SH3RF1: variants seen among roughly 807,000 people sequenced by gnomAD.
SH3RF1 encodes the protein SH3 domain containing ring finger 1.
Under a neutral mutation model 74.0 loss-of-function variants are expected in SH3RF1, and 32 were observed. The ratio of observed to expected loss-of-function variants is 0.43; its 90% confidence interval spans 0.33 to 0.58. The LOEUF (loss-of-function observed/expected upper bound fraction) is 0.58. SH3RF1 is among the 20% of genes least tolerant of loss of function. The probability of loss-of-function intolerance (pLI) is 0.05; values close to 1 mark genes in which losing one functional copy is unlikely to be tolerated. For missense variants in SH3RF1, 954 were observed against 1,130.9 expected, an observed-to-expected ratio of 0.84 and a Z score of 2.24; for synonymous variants, 396 against 439.6, an observed-to-expected ratio of 0.90 and a Z score of 1.24.
chr4:169,164,732 A>T (rs1255530029), intron 2 of SH3RF1, among the ~76,000 whole-genome samples: 2 of 152,206 alleles, frequency 1.3e-5, no homozygotes, highest in Non-Finnish European at 2.9e-5. Flanking sequence ...TGAGTGTCTT[A>T]TACTAAGCAA....
Position 169,106,936 on chromosome 4 carries a change from G to A in SH3RF1, c.2409C>T (p.Asp803=). 2 of 1,613,836 alleles carry A rather than the reference G, an allele frequency of 1.2e-6. No individual in the cohort carries two copies. The highest frequency in any genetic ancestry group is 1.1e-5 in the South Asian group (1 of 91,088). The change falls in exon 11 of 12, where the codon GAC becomes GAT. Residue 803 remains aspartate, a synonymous_variant. Transcript: ENST00000284637. ...GAGGTGGAGCGATGGGAACTGCGGA[G>A]TCCAGGGAACTTGCCTTCCTATGAA... ...DAFHRKASSL[D]SAVPIAPPPR... is the part of the protein sequence containing the mutation.
At chr4:169,229,219 T>A (rs1354534255) in intron 2 of SH3RF1, among the ~76,000 whole-genome samples, 1 of 152,194 alleles carries the variant, frequency 6.6e-6, no homozygotes, top group Non-Finnish European at 1.5e-5. Flanking sequence ...AATTCCTTTT[T>A]TATTGAGACT....
chr4:169,232,797 C>T (rs1479446920), intron 2 of SH3RF1, among the ~76,000 whole-genome samples: 1 of 152,102 alleles, frequency 6.6e-6, no homozygotes, highest in African/African-American at 2.4e-5. Context: ...TTCAGTGATA[C>T]ACTTCAAAGC....
chr4:169,156,720 G>T, intron 2 of SH3RF1, 41 bp from the exon 3 acceptor site: 2 of 1,501,628 alleles, frequency 1.3e-6, no homozygotes, highest in Non-Finnish European at 9.0e-7. Context: ...TAAAATAATG[G>T]TCTTAAAATG....
At chr4:169,218,830 G>C (rs185098257) in intron 2 of SH3RF1, among the ~76,000 whole-genome samples, 14 of 152,178 alleles carry the variant, frequency 9.2e-5, no homozygotes, top group Admixed American at 8.5e-4. Flanking sequence ...AAGCATTTAA[G>C]AATAAAAAAT....
At chr4:169,129,047 C>G (rs1733570050) in intron 6 of SH3RF1, among the ~76,000 whole-genome samples, 1 of 152,200 alleles carries the variant, frequency 6.6e-6, no homozygotes, top group Non-Finnish European at 1.5e-5. Context: ...AATGGCAGAG[C>G]TGGGCTTCAA....
At chr4:169,102,189 T>C (rs1733049666) in intron 11 of SH3RF1, among the ~76,000 whole-genome samples, 1 of 152,216 alleles carries the variant, frequency 6.6e-6, no homozygotes, top group African/African-American at 2.4e-5. Flanking sequence ...AGTATTTCAC[T>C]GGCATAACCA....
In SH3RF1 at chr4:169,116,738, T is replaced by C. The variant is rs1579089685; in HGVS notation, c.1778-108A>G. 22 of 1,391,176 alleles carry C rather than the reference T, an allele frequency of 1.6e-5. No individual in the cohort carries two copies. The East Asian group carries it at 4.8e-4, about 31-fold the overall frequency. 86.2% of individuals were successfully genotyped at this position (1,391,176 alleles called of 1,614,324 possible). On this transcript the variant is annotated intron_variant, in intron 9 of 11. Transcript: ENST00000284637. ...TCAGACCATGATGAAAGGCTGCTAT[T>C]GTATTTATTACAATAAAGATGGGAT...
chr4:169,240,959 G>A (rs1233885452), intron 2 of SH3RF1, among the ~76,000 whole-genome samples: 1 of 152,154 alleles, frequency 6.6e-6, no homozygotes, highest in Non-Finnish European at 1.5e-5. Context: ...GGCCGGGCGT[G>A]GTGGCTCACG....
chr4:169,186,360 A>G (rs1367428218), intron 2 of SH3RF1, among the ~76,000 whole-genome samples: 1 of 152,112 alleles, frequency 6.6e-6, no homozygotes, highest in African/African-American at 2.4e-5. Context: ...TTAAAAAAAA[A>G]ACGAATTTAT....
At chr4:169,176,485 T>C (rs1032544647) in intron 2 of SH3RF1, among the ~76,000 whole-genome samples, 2 of 152,192 alleles carry the variant, frequency 1.3e-5, no homozygotes, top group Non-Finnish European at 2.9e-5. Context: ...AAATATTAAT[T>C]TTAACTGAAC....
chr4:169,187,873 G>A lies in SH3RF1; in HGVS notation c.394-31194C>T, dbSNP rs1030721266. Among the ~76,000 whole-genome samples, 6 of 152,186 alleles carry A rather than the reference G, an allele frequency of 3.9e-5. 1 individual carries two copies. Among genetic ancestry groups the A allele is most frequent in the Admixed American group, 1.3e-4 (2 of 15,280 alleles). Reference sequence around the variant, plus strand: ...ATTAGAAATAGGGTCTAGGGTCTTCGCAGATGGAATCCGCAAAGTTAAAAT... The same window carrying A: ...ATTAGAAATAGGGTCTAGGGTCTTCACAGATGGAATCCGCAAAGTTAAAAT... On this transcript the variant is annotated intron_variant, in intron 2 of 11. Transcript: ENST00000284637.
intron 2 of SH3RF1, among the ~76,000 whole-genome samples, chr4:169,158,047 T>C (rs1001921829): frequency 2.0e-5 from 3 of 152,262 alleles, no homozygotes; most frequent in Admixed American, 2.0e-4. Flanking sequence ...TGCAAGCTTT[T>C]ACTTTTTACC....
intron 2 of SH3RF1, among the ~76,000 whole-genome samples, chr4:169,259,478 G>T (rs1731240919): frequency 6.6e-6 from 1 of 152,106 alleles, no homozygotes; most frequent in Non-Finnish European, 1.5e-5. Context: ...CATTCATGAA[G>T]CAACTGCTAC....
intron 2 of SH3RF1, among the ~76,000 whole-genome samples, chr4:169,237,997 C>T (rs1280851618): frequency 1.3e-5 from 2 of 152,086 alleles, no homozygotes; most frequent in African/African-American, 4.8e-5. Context: ...TAGCAAGAAT[C>T]CCCCTACACT....
chr4:169,198,483 C>T (rs985964979), intron 2 of SH3RF1, among the ~76,000 whole-genome samples: 2 of 151,928 alleles, frequency 1.3e-5, no homozygotes, highest in Non-Finnish European at 2.9e-5. Flanking sequence ...CTTGTTTTTG[C>T]TTTTTATATT....
intron 2 of SH3RF1, among the ~76,000 whole-genome samples, chr4:169,237,237 C>T (rs1166898187): frequency 6.6e-6 from 1 of 152,228 alleles, no homozygotes; most frequent in African/African-American, 2.4e-5. Context: ...TTCCCAGACA[C>T]ACGGTGAAGG....
intron 2 of SH3RF1, among the ~76,000 whole-genome samples, chr4:169,178,574 G>C (rs1192289381): frequency 6.6e-6 from 1 of 152,112 alleles, no homozygotes; most frequent in African/African-American, 2.4e-5. Context: ...GACATACTGT[G>C]GGGGCAAGAG....
At chr4:169,204,689 T>C (rs1730212730) in intron 2 of SH3RF1, among the ~76,000 whole-genome samples, 2 of 151,910 alleles carry the variant, frequency 1.3e-5, no homozygotes, top group African/African-American at 4.8e-5. Flanking sequence ...TAGCTGGGAC[T>C]ACAGGCATGC....
Sources: gnomAD v4.1 joint callset for allele counts (sites outside exome capture counted in the v4.1 genomes callset) on GRCh38, gnomAD v4.1.1 for gene constraint, MANE v1.5 for transcripts, NCBI Gene and HGNC (gene_info 2026-07-23, HGNC 2026-07-21) for gene names.